WDR27: variants seen among roughly 807,000 people sequenced by gnomAD.
WDR27 encodes the protein WD repeat domain 27.
A neutral mutation model predicts 114.4 loss-of-function variants in WDR27; 100 were observed. That is an observed-to-expected ratio of 0.87 (90% CI 0.74 to 1.03). The LOEUF (loss-of-function observed/expected upper bound fraction) is 1.03, where lower values mean the gene tolerates loss of function less well. Among genes scored for constraint, WDR27 ranks in the 50% least tolerant of loss-of-function variants. The pLI is 0.00. For missense variants in WDR27, 1,129 were observed against 1,092.9 expected (o/e 1.03, Z -0.47); for synonymous variants, 449 against 423.1 (o/e 1.06, Z -0.75).
At chr6:169,614,322 T>A (rs1012702967) in intron 21 of WDR27, among the ~76,000 whole-genome samples, 5 of 152,222 alleles carry the variant, frequency 3.3e-5, no homozygotes, top group Non-Finnish European at 5.9e-5. Context: ...GAAGGATAGA[T>A]GTGCCTACAA....
chr6:169,660,489 G>A (rs919099767), intron 10 of WDR27, among the ~76,000 whole-genome samples, 174 bp downstream of exon 10: 4 of 152,162 alleles, frequency 2.6e-5, no homozygotes, highest in South Asian at 2.1e-4. Flanking sequence ...AAGGGCCCTC[G>A]TCCTTCGGAT....
At position 169,647,360 on chromosome 6, in the gene WDR27, G is replaced by A. The variant is rs745608651; in HGVS notation, c.1657+413C>T. ...TGCATGATGCCATCCCCAGCCTGGC[G>A]CCTCCAGCCCATCCATGAGCAGAGG... is the stretch of plus-strand genomic sequence containing the variant. On this transcript the variant is annotated intron_variant, in intron 16 of 25. Transcript: ENST00000448612. 4.6e-5 allele frequency among the ~76,000 whole-genome samples: 7 copies of A among 152,220 alleles called. No homozygotes were observed. In the East Asian group the frequency reaches 5.8e-4, roughly 13 times the overall value.
At chr6:169,482,447 T>C (rs1365675982) in intron 25 of WDR27, among the ~76,000 whole-genome samples, 1 of 152,202 alleles carries the variant, frequency 6.6e-6, no homozygotes, top group Non-Finnish European at 1.5e-5. Context: ...TGACTTTTAA[T>C]AATTGCCATT....
intron 20 of WDR27, among the ~76,000 whole-genome samples, chr6:169,633,671 G>C (rs1247094358): frequency 1.3e-5 from 2 of 152,174 alleles, no homozygotes; most frequent in Non-Finnish European, 2.9e-5. Flanking sequence ...TGGGAACCCA[G>C]GTGCACTGGA....
chr6:169,692,547 G>A (rs1162427865), intron 1 of WDR27, among the ~76,000 whole-genome samples: 1 of 152,196 alleles, frequency 6.6e-6, no homozygotes. Flanking sequence ...GCAGGGCTGA[G>A]TCCCACACAC....
intron 20 of WDR27, among the ~76,000 whole-genome samples, chr6:169,634,034 C>T (rs998280057): frequency 6.6e-6 from 1 of 152,168 alleles, no homozygotes; most frequent in African/African-American, 2.4e-5. Flanking sequence ...CCATAAAAAT[C>T]TCAAAAATTA....
Position 169,664,241 on chromosome 6 carries a change from C to A in WDR27, c.829G>T (p.Ala277Ser), listed in dbSNP as rs991678513. The A allele has an allele frequency of 1.2e-6, 2 of 1,613,620 alleles. No homozygotes were observed. Among genetic ancestry groups the A allele is most frequent in the Non-Finnish European group, 1.7e-6 (2 of 1,179,722 alleles). ...GTCTTCTTCCTTAGGTCAACCCGTG[C>A]CACACGACGATAATGGTGTCCATCC... ...LMDGHHYRRV[A>S]RVDLRKKTET... The change falls in exon 8 of 26, where the codon GCA becomes TCA. Residue 277 changes from alanine (A) to serine (S), a missense_variant. Coordinates refer to ENST00000448612, the MANE Select transcript of WDR27 (RefSeq NM_182552.5).
At chr6:169,664,341 AAGC>A in intron 7 of WDR27, 55 bp from the exon 8 acceptor site, 1 of 1,610,370 alleles carries the variant, frequency 6.2e-7, no homozygotes, top group Non-Finnish European at 8.5e-7. Context: ...CCTGACGCAG[AAGC>A]AGCAACACCA....
At chr6:169,509,738 A>C (rs1318537671) in intron 25 of WDR27, among the ~76,000 whole-genome samples, 2 of 152,176 alleles carry the variant, frequency 1.3e-5, no homozygotes, top group African/African-American at 4.8e-5. Flanking sequence ...TTCATGTCTA[A>C]AACACCAAAA....
At position 169,636,355 on chromosome 6, in the gene WDR27, G is replaced by C; in HGVS notation, c.2003+16C>G. 1 of 1,613,200 alleles carries C rather than the reference G, an allele frequency of 6.2e-7. No homozygotes were observed. Among genetic ancestry groups the C allele is most frequent in the Non-Finnish European group, 8.5e-7 (1 of 1,179,640 alleles). The stretch of plus-strand genomic sequence containing the variant: ...CCTGTGATCTAAAAATAATGCACAG[G>C]GCGGGGGGTGCCTACCTCTTAATCT... On this transcript the variant is annotated intron_variant, in intron 19 of 25. Transcript: ENST00000448612.
At chr6:169,606,046 G>C (rs567372886) in intron 22 of WDR27, among the ~76,000 whole-genome samples, 1 of 152,154 alleles carries the variant, frequency 6.6e-6, no homozygotes, top group East Asian at 1.9e-4. Flanking sequence ...CATTGGTCTA[G>C]GCAAAGAATT....
At chr6:169,474,286 C>T (rs1431188494) in intron 25 of WDR27, among the ~76,000 whole-genome samples, 1 of 152,204 alleles carries the variant, frequency 6.6e-6, no homozygotes, top group Non-Finnish European at 1.5e-5. Context: ...AAGTCACATG[C>T]AATCCTTAAG....
chr6:169,570,036 T>C (rs2128125839), intron 25 of WDR27, among the ~76,000 whole-genome samples: 1 of 152,334 alleles, frequency 6.6e-6, no homozygotes, highest in East Asian at 1.9e-4. Context: ...GGAAGAACCC[T>C]GATGCCATCA....
intron 16 of WDR27, chr6:169,647,532 G>A: frequency 3.4e-6 from 2 of 593,684 alleles, no homozygotes; most frequent in East Asian, 3.0e-5. Context: ...CGCTGCTAGT[G>A]AGTGAGTGCC....
At chr6:169,573,866 T>C (rs1452155199) in intron 24 of WDR27, among the ~76,000 whole-genome samples, 1 of 152,240 alleles carries the variant, frequency 6.6e-6, no homozygotes, top group Non-Finnish European at 1.5e-5. Context: ...CTTTCTTTCG[T>C]CTTTTGCATC....
At chr6:169,637,385 TAAGGA>T (rs1407742999) in intron 18 of WDR27, among the ~76,000 whole-genome samples, 1 of 152,210 alleles carries the variant, frequency 6.6e-6, no homozygotes, top group African/African-American at 2.4e-5. Context: ...ATAACAAACA[TAAGGA>T]TAGATTTAAC....
At chr6:169,607,776 C>A (rs1440227377) in intron 22 of WDR27, among the ~76,000 whole-genome samples, 2 of 152,052 alleles carry the variant, frequency 1.3e-5, no homozygotes, top group Non-Finnish European at 2.9e-5. Context: ...TAAATATATA[C>A]AAATAAAAAA....
intron 21 of WDR27, among the ~76,000 whole-genome samples, chr6:169,615,528 A>C (rs1195806275): frequency 2.0e-5 from 3 of 152,182 alleles, no homozygotes; most frequent in Non-Finnish European, 4.4e-5. Flanking sequence ...AAAACAAGCA[A>C]TGGGGAAAGG....
intron 25 of WDR27, among the ~76,000 whole-genome samples, chr6:169,570,690 G>T (rs561035282): frequency 6.6e-6 from 1 of 152,158 alleles, no homozygotes; most frequent in Admixed American, 6.5e-5. Context: ...TTAGCCAGGC[G>T]TGGTGGCGGG....
Sources: allele counts gnomAD v4.1 joint callset (sites outside exome capture counted in the v4.1 genomes callset), GRCh38; gene constraint gnomAD v4.1.1; transcripts MANE v1.5; gene names NCBI Gene and HGNC (gene_info 2026-07-23, HGNC 2026-07-21).